The following TTLL11 variants were observed in gnomAD, a reference collection of about 807,000 sequenced individuals.
The protein encoded by TTLL11 is tubulin tyrosine ligase like 11.
Under a neutral mutation model 51.7 loss-of-function variants are expected in TTLL11, and 42 were observed. The ratio of observed to expected loss-of-function variants is 0.81; its 90% CI spans 0.64 to 1.05. TTLL11 has a LOEUF of 1.05. Ranked by LOEUF, TTLL11 falls within the 50% of genes least tolerant of loss-of-function variation. The pLI is 0.00. For missense variants in TTLL11, 799 were observed against 940.4 expected, an observed-to-expected ratio of 0.85 and a Z score of 1.97; for synonymous variants, 381 against 383.5, an observed-to-expected ratio of 0.99 and a Z score of 0.08.
At chr9:122,020,565 T>C (rs1844140868) in intron 3 of TTLL11, among the ~76,000 whole-genome samples, 1 of 152,212 alleles carries the variant, frequency 6.6e-6, no homozygotes, top group African/African-American at 2.4e-5. Flanking sequence ...CCTGCGAGGG[T>C]TGCTAAAGAA....
chr9:122,072,772 G>T (rs951305942), intron 1 of TTLL11, among the ~76,000 whole-genome samples: 1 of 152,122 alleles, frequency 6.6e-6, no homozygotes, highest in African/African-American at 2.4e-5. Flanking sequence ...GCTCAGAGGT[G>T]CATCCTAGAG....
At position 121,816,219 on chromosome 9, in the gene TTLL11, G is replaced by T. The variant is rs1836400627; in HGVS notation, c.*6368C>A. On this transcript the variant is annotated 3_prime_UTR_variant, in exon 9 of 9. Coordinates refer to ENST00000321582, the MANE Select transcript of TTLL11 (RefSeq NM_001139442.2). ...TCCAGAACAGTTCACGGCCTCCTCTGGGATTCTCAGCCCTCGCTTTCCCCA... is the reference window on the plus strand; with the variant it reads ...TCCAGAACAGTTCACGGCCTCCTCTTGGATTCTCAGCCCTCGCTTTCCCCA... The T allele has an allele frequency of 1.3e-5, 2 of 152,200 alleles. No individual in the cohort carries two copies. Among genetic ancestry groups the T allele is most frequent in the Non-Finnish European group, 2.9e-5 (2 of 68,050 alleles). The allele number at this position is 152,200 out of a possible 1,614,324, so 9.4% of individuals were successfully genotyped here.
intron 6 of TTLL11, among the ~76,000 whole-genome samples, chr9:121,877,701 TA>T (rs572964971): frequency 4.7e-4 from 72 of 152,294 alleles, no homozygotes; most frequent in African/African-American, 1.7e-3. Context: ...AACTGCAATT[TA>T]AAAAAATTTA....
chr9:122,025,561 A>T (rs1391600445), intron 3 of TTLL11, among the ~76,000 whole-genome samples: 1 of 152,208 alleles, frequency 6.6e-6, no homozygotes, highest in Non-Finnish European at 1.5e-5. Flanking sequence ...TGGAGGCTGC[A>T]GTGAGCTGTG....
At chr9:121,965,121 C>T (rs1243849480) in intron 6 of TTLL11, among the ~76,000 whole-genome samples, 1 of 152,090 alleles carries the variant, frequency 6.6e-6, no homozygotes, top group East Asian at 1.9e-4. Flanking sequence ...TCTCTGTGAC[C>T]CAGACTTTTT....
At chr9:121,881,419 T>C (rs1333111795) in intron 6 of TTLL11, among the ~76,000 whole-genome samples, 2 of 152,374 alleles carry the variant, frequency 1.3e-5, no homozygotes, top group East Asian at 1.9e-4. Context: ...GAGCACCCGA[T>C]GAACCCTTAT....
intron 6 of TTLL11, among the ~76,000 whole-genome samples, chr9:121,886,300 A>C (rs1327710229): frequency 6.6e-6 from 1 of 152,218 alleles, no homozygotes; most frequent in Non-Finnish European, 1.5e-5. Context: ...GAAACCTGTG[A>C]ATGTGACCTT....
At chr9:121,965,713 C>T (rs114188455) in intron 6 of TTLL11, among the ~76,000 whole-genome samples, 4 of 152,184 alleles carry the variant, frequency 2.6e-5, no homozygotes, top group Admixed American at 6.5e-5. Context: ...TCTGTGCTTA[C>T]GACAGCATGC....
chr9:122,015,092 G>A (rs1843925094), intron 3 of TTLL11, among the ~76,000 whole-genome samples: 1 of 152,112 alleles, frequency 6.6e-6, no homozygotes, highest in South Asian at 2.1e-4. Flanking sequence ...ACTGAGTGAA[G>A]ATAAAAGAGG....
chr9:121,899,404 C>CATAT (rs1564295600), intron 6 of TTLL11, among the ~76,000 whole-genome samples: 30 of 56,816 alleles, frequency 5.3e-4, no homozygotes, highest in African/African-American at 1.6e-3. Context: ...TATATATATA[C>CATAT]ACACACACAC....
At position 121,952,708 on chromosome 9, in the gene TTLL11, C is replaced by T. The variant is rs572094295; in HGVS notation, c.1481+21301G>A. ...TGGAGACACTGGCAAACGTGCTCAGCCCCTTCCTCTCCTTCCTCATGGAGC... is the reference window on the plus strand; with the variant it reads ...TGGAGACACTGGCAAACGTGCTCAGTCCCTTCCTCTCCTTCCTCATGGAGC... On this transcript the variant is annotated intron_variant, in intron 6 of 8. Coordinates refer to ENST00000321582, the MANE Select transcript of TTLL11 (RefSeq NM_001139442.2). Among the ~76,000 whole-genome samples the T allele has an allele frequency of 7.2e-4, 109 of 152,232 alleles. 1 individual carries two copies. Among genetic ancestry groups the T allele is most frequent in the Non-Finnish European group, 1.2e-3 (82 of 68,022 alleles).
chr9:121,957,849 T>C (rs887807181), intron 6 of TTLL11, among the ~76,000 whole-genome samples: 1 of 152,178 alleles, frequency 6.6e-6, no homozygotes, highest in African/African-American at 2.4e-5. Context: ...ATGTGTGAAC[T>C]GTAGGGTCTA....
At chr9:122,079,740 T>A (rs1845952710) in intron 1 of TTLL11, among the ~76,000 whole-genome samples, 1 of 151,766 alleles carries the variant, frequency 6.6e-6, no homozygotes, top group African/African-American at 2.4e-5. Context: ...CTATCAAAAC[T>A]TTTGGCAATA....
chr9:121,989,059 C>T lies in TTLL11; in HGVS notation c.1269+136G>A, dbSNP rs1051351690. The T allele has an allele frequency of 1.9e-5, 28 of 1,509,528 alleles. No homozygotes were observed. Among genetic ancestry groups the T allele is most frequent in the Middle Eastern group, 3.9e-4 (2 of 5,090 alleles). The allele number at this position is 1,509,528 out of a possible 1,614,324, so 93.5% of individuals were successfully genotyped here. ...TTGGAAGTTGGGCCCAGGTTTAACA[C>T]CCAAGCCCACAGCACCACCAACACT... On this transcript the variant is annotated intron_variant, in intron 4 of 8. Transcript: ENST00000321582. This position sits in a 1 kb window ranked among gnomAD's most constrained non-coding sequence, Gnocchi z 4.2.
intron 8 of TTLL11, among the ~76,000 whole-genome samples, chr9:121,829,482 G>T (rs989762477): frequency 6.6e-6 from 1 of 152,040 alleles, no homozygotes; most frequent in African/African-American, 2.4e-5. Context: ...GCAATTTGGC[G>T]AAAGTTTTAA....
chr9:121,969,166 G>A (rs528049580), intron 6 of TTLL11, among the ~76,000 whole-genome samples: 51 of 152,174 alleles, frequency 3.4e-4, no homozygotes, highest in South Asian at 6.2e-4. Flanking sequence ...CACCGTGCCC[G>A]GCCTCTCATT....
chr9:121,937,311 G>A (rs1355231967), intron 6 of TTLL11, among the ~76,000 whole-genome samples: 1 of 152,172 alleles, frequency 6.6e-6, no homozygotes, highest in East Asian at 1.9e-4. Flanking sequence ...TAGTCTATGA[G>A]GTAGATCCTG....
intron 1 of TTLL11, among the ~76,000 whole-genome samples, chr9:122,069,814 A>G (rs191440631): frequency 9.4e-4 from 143 of 152,128 alleles, no homozygotes; most frequent in African/African-American, 3.2e-3. Context: ...CAGCAGTGTG[A>G]CCCCACACAA....
intron 1 of TTLL11, among the ~76,000 whole-genome samples, chr9:122,081,145 C>T (rs1307662192): frequency 6.6e-6 from 1 of 152,198 alleles, no homozygotes; most frequent in Non-Finnish European, 1.5e-5. Context: ...AAAGCCCAGT[C>T]CTGCACTGAA....
Sources: gnomAD v4.1 joint callset for allele counts (sites outside exome capture counted in the v4.1 genomes callset) on GRCh38, gnomAD v4.1.1 for gene constraint, Gnocchi (gnomAD v3.1) non-coding constraint, MANE v1.5 for transcripts, NCBI Gene and HGNC (gene_info 2026-07-23, HGNC 2026-07-21) for gene names.